The following FSTL4 variants were observed in gnomAD, a reference collection of about 807,000 sequenced individuals.
FSTL4 encodes follistatin like 4, also known as follistatin-related protein 4.
FSTL4 carries 28 observed loss-of-function variants against 78.2 expected under a neutral mutation model. The ratio of observed to expected loss-of-function variants is 0.36; its 90% CI spans 0.27 to 0.49. FSTL4 has a LOEUF of 0.49. FSTL4 is among the 20% of genes least tolerant of loss of function. The pLI, the probability that FSTL4 is intolerant of heterozygous loss-of-function variation, is 0.98. For synonymous variants in FSTL4, 422 were observed against 440.5 expected, an observed-to-expected ratio of 0.96 and a Z score of 0.53; for missense variants, 922 against 1,084.9, an observed-to-expected ratio of 0.85 and a Z score of 2.11.
At chr5:133,606,862 G>A (rs1167627243) in intron 1 of FSTL4, among the ~76,000 whole-genome samples, 1 of 152,176 alleles carries the variant, frequency 6.6e-6, no homozygotes, top group Non-Finnish European at 1.5e-5. Context: ...CTAATGGGTA[G>A]CATTAAAATA....
chr5:133,242,349 CTTCA>C (rs1751899899), intron 7 of FSTL4, among the ~76,000 whole-genome samples: 1 of 152,092 alleles, frequency 6.6e-6, no homozygotes, highest in African/African-American at 2.4e-5. Flanking sequence ...AATCGGCCTC[CTTCA>C]TTGACTGGGC....
chr5:133,451,891 C>T (rs1299434165), intron 3 of FSTL4, among the ~76,000 whole-genome samples: 4 of 152,324 alleles, frequency 2.6e-5, no homozygotes, highest in African/African-American at 9.6e-5. Flanking sequence ...ATCGAGATTG[C>T]GCATGAGCTA....
chr5:133,739,988 G>T, the FSTL4 span, among the ~76,000 whole-genome samples: 1 of 151,630 alleles, frequency 6.6e-6, no homozygotes, highest in South Asian at 2.1e-4. Context: ...AATCTCCCAG[G>T]CTCAAGCAAT....
chr5:133,813,984 T>C, the FSTL4 span, among the ~76,000 whole-genome samples: 1 of 152,224 alleles, frequency 6.6e-6, no homozygotes, highest in Non-Finnish European at 1.5e-5. Flanking sequence ...CACCTTCATA[T>C]TAACAAATCT....
Position 133,541,927 on chromosome 5 carries a change from G to GACACAC in FSTL4, c.160+25253_160+25258dup, listed in dbSNP as rs61471971. Among the ~76,000 whole-genome samples the GACACAC allele has an allele frequency of 2.7e-3, 399 of 148,328 alleles. 2 individuals are homozygous for GACACAC. Among genetic ancestry groups the GACACAC allele is most frequent in the African/African-American group, 9.1e-3 (365 of 40,094 alleles). On this transcript the variant is annotated intron_variant, in intron 3 of 15. Transcript: ENST00000265342. ...GCACACAGAGCTAGAGAATGTTACA[G>GACACAC]ACACACACACACACACACACACACT...
intron 4 of FSTL4, among the ~76,000 whole-genome samples, chr5:133,390,518 C>A (rs1026793733): frequency 3.9e-5 from 6 of 152,352 alleles, no homozygotes; most frequent in African/African-American, 1.4e-4. Flanking sequence ...CACCTACAAT[C>A]AGGAAGCATG....
chr5:133,428,754 A>G (rs1435460954), intron 3 of FSTL4, among the ~76,000 whole-genome samples: 1 of 152,218 alleles, frequency 6.6e-6, no homozygotes, highest in African/African-American at 2.4e-5. Flanking sequence ...TCCTTGCTCT[A>G]TGGCCACTAA....
In FSTL4 at chr5:133,225,553, C is replaced by T; in HGVS notation, c.1177+105G>A. Reference sequence around the variant, plus strand: ...TTGGGAGCCATCTGTTCACTCCTAACCTGTCTGACTTATAAACAAATTATA... The same window carrying T: ...TTGGGAGCCATCTGTTCACTCCTAATCTGTCTGACTTATAAACAAATTATA... On this transcript the variant is annotated intron_variant, in intron 9 of 15. Coordinates refer to ENST00000265342, the MANE Select transcript of FSTL4 (RefSeq NM_015082.2). This position sits in a 1 kb window ranked among gnomAD's most constrained non-coding sequence, Gnocchi z 4.6. The T allele has an allele frequency of 3.5e-6, 4 of 1,127,416 alleles. No individual in the cohort carries two copies. In the Admixed American group the frequency reaches 6.7e-5, roughly 19 times the overall value. The allele number at this position is 1,127,416 out of a possible 1,614,324, so 69.8% of individuals were successfully genotyped here.
the FSTL4 span, among the ~76,000 whole-genome samples, chr5:133,738,630 T>G: frequency 1.3e-5 from 2 of 152,192 alleles, no homozygotes; most frequent in African/African-American, 4.8e-5. Context: ...CAGGCCCTGA[T>G]GCTGTCTTAC....
At chr5:133,398,415 G>A (rs1401092895) in intron 4 of FSTL4, among the ~76,000 whole-genome samples, 1 of 152,126 alleles carries the variant, frequency 6.6e-6, no homozygotes, top group African/African-American at 2.4e-5. Context: ...AGCAATGAGT[G>A]TCTGCCTGAC....
the FSTL4 span, among the ~76,000 whole-genome samples, chr5:133,701,511 C>T: frequency 1.6e-5 from 1 of 63,566 alleles, no homozygotes; most frequent in African/African-American, 6.1e-5. Flanking sequence ...ACACACACAC[C>T]CCACAGGCCA....
At chr5:133,769,088 T>C in the FSTL4 span, among the ~76,000 whole-genome samples, 1 of 152,250 alleles carries the variant, frequency 6.6e-6, no homozygotes, top group Non-Finnish European at 1.5e-5. Flanking sequence ...CTTTGGGCGA[T>C]GTTTTCTAAT....
intron 4 of FSTL4, among the ~76,000 whole-genome samples, chr5:133,363,672 A>T (rs1755118221): frequency 6.6e-6 from 1 of 152,174 alleles, no homozygotes; most frequent in Non-Finnish European, 1.5e-5. Flanking sequence ...CAGCCAGTGT[A>T]CTTGGCAATA....
rs553422854 is a variant in FSTL4, at chr5:133,519,460, G to A, written c.160+47726C>T. Reference sequence around the variant, plus strand: ...CTCAGGAAGCAGGTGCTGGGTTAGTGCCTTGAGGCTGTCATGCCGCCAATC... The same window carrying A: ...CTCAGGAAGCAGGTGCTGGGTTAGTACCTTGAGGCTGTCATGCCGCCAATC... On this transcript the variant is annotated intron_variant, in intron 3 of 15. Transcript: ENST00000265342. 2.0e-5 allele frequency among the ~76,000 whole-genome samples: 3 copies of A among 152,328 alleles called. No homozygotes were observed. The East Asian group carries it at 5.8e-4, about 29-fold the overall frequency.
chr5:133,686,742 C>T, the FSTL4 span, among the ~76,000 whole-genome samples: 1 of 152,184 alleles, frequency 6.6e-6, no homozygotes, highest in Non-Finnish European at 1.5e-5. Flanking sequence ...AGAATAAAAC[C>T]AGGATCACTT....
At chr5:133,597,816 G>A (rs995808437) in intron 2 of FSTL4, among the ~76,000 whole-genome samples, 1 of 152,218 alleles carries the variant, frequency 6.6e-6, no homozygotes, top group Non-Finnish European at 1.5e-5. Context: ...CTGGGCCTAG[G>A]GACAGAGATG....
chr5:133,551,725 C>T (rs1759694990), intron 3 of FSTL4, among the ~76,000 whole-genome samples: 1 of 152,146 alleles, frequency 6.6e-6, no homozygotes, highest in Admixed American at 6.6e-5. Flanking sequence ...TTTTTCTAAC[C>T]CAGTGGACCA....
chr5:133,568,760 A>G (rs577100475), intron 2 of FSTL4, among the ~76,000 whole-genome samples: 1 of 152,322 alleles, frequency 6.6e-6, no homozygotes, highest in African/African-American at 2.4e-5. Flanking sequence ...AAGGCCTGGC[A>G]CCTCTGTTTC....
At chr5:133,545,728 G>C (rs1245920337) in intron 3 of FSTL4, among the ~76,000 whole-genome samples, 1 of 152,176 alleles carries the variant, frequency 6.6e-6, no homozygotes, top group Non-Finnish European at 1.5e-5. Context: ...TTCCAAAATT[G>C]TTCCAAAAAA....
Sources: gnomAD v4.1 joint callset for allele counts (sites outside exome capture counted in the v4.1 genomes callset) on GRCh38, gnomAD v4.1.1 for gene constraint, Gnocchi (gnomAD v3.1) non-coding constraint, MANE v1.5 for transcripts, NCBI Gene and HGNC (gene_info 2026-07-23, HGNC 2026-07-21) for gene names.